The following COL4A6 variants were observed in gnomAD, a reference collection of about 807,000 sequenced individuals.
COL4A6 encodes collagen type IV alpha 6 chain.
Under a neutral mutation model 126.7 loss-of-function variants are expected in COL4A6, and 59 were observed. The observed-to-expected ratio is 0.47, with a 90% confidence interval of 0.38 to 0.58. The LOEUF (loss-of-function observed/expected upper bound fraction) is 0.58. COL4A6 is among the 20% of genes least tolerant of loss of function. The pLI is 0.00. For missense variants in COL4A6, 1,285 were observed against 1,337.3 expected, an observed-to-expected ratio of 0.96 and a Z score of 0.61; for synonymous variants, 547 against 496.6, an observed-to-expected ratio of 1.10 and a Z score of -1.35.
At chrX:108,374,411 T>C (rs2040394009) in intron 2 of COL4A6, among the ~76,000 whole-genome samples, 1 of 112,154 alleles carries the variant, frequency 8.9e-6, no homozygotes, top group Admixed American at 9.5e-5. Context: ...CCAAGGAATA[T>C]AATAACCACG....
intron 2 of COL4A6, among the ~76,000 whole-genome samples, chrX:108,364,880 T>C (rs1181006850): frequency 9.0e-6 from 1 of 111,597 alleles, no homozygotes; most frequent in Non-Finnish European, 1.9e-5. Flanking sequence ...ATTCCATATC[T>C]TGGCTATGGT....
chrX:108,365,984 T>C, intron 2 of COL4A6, among the ~76,000 whole-genome samples: 2 of 111,616 alleles, frequency 1.8e-5, no homozygotes, highest in South Asian at 7.6e-4. Flanking sequence ...CAGAGGGGTC[T>C]AATAAAGGCA....
chrX:108,251,712 G>A (rs2036854292), intron 3 of COL4A6, among the ~76,000 whole-genome samples: 1 of 111,541 alleles, frequency 9.0e-6, no homozygotes, highest in Non-Finnish European at 1.9e-5. Flanking sequence ...GTAAATAAAG[G>A]CACAAACATA....
intron 2 of COL4A6, among the ~76,000 whole-genome samples, chrX:108,363,316 C>G (rs891592994): frequency 8.9e-6 from 1 of 111,913 alleles, no homozygotes; most frequent in Non-Finnish European, 1.9e-5. Context: ...TCATAAATCT[C>G]TATATGTGGA....
chrX:108,277,217 G>A (rs931016329), intron 3 of COL4A6, among the ~76,000 whole-genome samples: 3 of 111,934 alleles, frequency 2.7e-5, no homozygotes, highest in African/African-American at 9.8e-5. Flanking sequence ...TAAGGGGTCA[G>A]GGAGTTCCCT....
intron 3 of COL4A6, among the ~76,000 whole-genome samples, chrX:108,249,485 T>C (rs1245036781): frequency 9.0e-6 from 1 of 111,723 alleles, no homozygotes; most frequent in Non-Finnish European, 1.9e-5. Flanking sequence ...GCTTTATACT[T>C]CTAGTCCATT....
chrX:108,177,747 G>T (rs1042469703), intron 27 of COL4A6, among the ~76,000 whole-genome samples: 2 of 111,904 alleles, frequency 1.8e-5, no homozygotes, highest in Non-Finnish European at 3.8e-5. Context: ...GGTCCCCAAG[G>T]ACCCAAATGA....
chrX:108,177,849 A>C (rs2034549013), intron 27 of COL4A6, among the ~76,000 whole-genome samples: 1 of 111,716 alleles, frequency 9.0e-6, no homozygotes, highest in African/African-American at 3.3e-5. Context: ...ACTCCACAAC[A>C]AGGGAAAAAT....
chrX:108,323,996 C>T (rs1213806548), intron 2 of COL4A6, among the ~76,000 whole-genome samples: 1 of 112,304 alleles, frequency 8.9e-6, no homozygotes, highest in Non-Finnish European at 1.9e-5. Flanking sequence ...AGTGTCATGG[C>T]CTTTAGTGGC....
intron 18 of COL4A6, 140 bp from the exon 19 acceptor site, chrX:108,191,673 G>C (rs2035048518): frequency 1.6e-6 from 1 of 638,606 alleles, no homozygotes; most frequent in Admixed American, 3.9e-5. Context: ...AGAGTTAGAA[G>C]GATCCTTAGG....
At chrX:108,334,659 G>A (rs906524918) in intron 2 of COL4A6, among the ~76,000 whole-genome samples, 1 of 111,087 alleles carries the variant, frequency 9.0e-6, no homozygotes, top group Non-Finnish European at 1.9e-5. Context: ...CTTGGTTTCT[G>A]CCTCACCAAT....
rs756617681 is a variant in COL4A6 at position 108,205,653 on chromosome X, T to C, written c.645+7A>G. On this transcript the variant is annotated splice_region_variant and intron_variant, in intron 10 of 44. Transcript: ENST00000334504. ...AAGCAAAATGCCCTAAGACAAAGTA[T>C]ACTTACATCAGGACCAAGAGGACCA... 1.7e-6 allele frequency: 2 copies of C among 1,207,207 alleles called. No homozygotes were observed. The highest frequency in any genetic ancestry group is 2.2e-6 in the Non-Finnish European group (2 of 893,024).
chrX:108,219,231 G>GA (rs2035944386), intron 5 of COL4A6, among the ~76,000 whole-genome samples: 1 of 112,247 alleles, frequency 8.9e-6, no homozygotes, highest in Non-Finnish European at 1.9e-5. Context: ...AAACTTTAAA[G>GA]GAAAATTCAC....
chrX:108,360,546 T>C (rs2040061197), intron 2 of COL4A6, among the ~76,000 whole-genome samples: 1 of 105,809 alleles, frequency 9.5e-6, no homozygotes, highest in African/African-American at 3.5e-5. Flanking sequence ...TTTTTTTTTT[T>C]TTTTTTTGAG....
chrX:108,181,940 G>A (rs2034699042), intron 23 of COL4A6, among the ~76,000 whole-genome samples: 1 of 112,538 alleles, frequency 8.9e-6, no homozygotes. Context: ...GCTTTTGCCT[G>A]TACTTAAATC....
intron 44 of COL4A6, among the ~76,000 whole-genome samples, chrX:108,158,935 C>T (rs1333177114): frequency 7.1e-5 from 8 of 112,428 alleles, no homozygotes; most frequent in Admixed American, 5.6e-4. Flanking sequence ...CATGGCTGGC[C>T]GCTGCCTTCA....
At chrX:108,228,807 G>A (rs1004578948) in intron 3 of COL4A6, among the ~76,000 whole-genome samples, 2 of 112,172 alleles carry the variant, frequency 1.8e-5, no homozygotes, top group Non-Finnish European at 3.8e-5. Flanking sequence ...TGGGGATTAC[G>A]GGAACTACAG....
At chrX:108,259,069 G>T (rs889633860) in intron 3 of COL4A6, among the ~76,000 whole-genome samples, 13 of 111,552 alleles carry the variant, frequency 1.2e-4, no homozygotes, top group Non-Finnish European at 1.9e-4. Context: ...AAATTATTAG[G>T]TGGAGAACAA....
Position 108,192,701 on chromosome X carries a change from C to T in COL4A6, c.1073-121G>A, listed in dbSNP as rs1297795691. The T allele has an allele frequency of 3.7e-5, 18 of 487,782 alleles. No individual in the cohort carries two copies. In the East Asian group the frequency reaches 6.3e-4, roughly 17 times the overall value. The allele number at this position is 487,782 out of a possible 1,213,427, so 40.2% of individuals were successfully genotyped here. A position where few individuals can be genotyped will look rare whatever the true frequency, so the allele number is the denominator to read the frequency against. On this transcript the variant is annotated intron_variant, in intron 17 of 44. Coordinates refer to ENST00000334504, the MANE Select transcript of COL4A6 (RefSeq NM_033641.4). The stretch of plus-strand genomic sequence containing the variant: ...TTAGAAGTGCCTTTCATGCCTTTCC[C>T]AAGTCTCTAATGCTAATGGCCTCAC...
Sources: allele counts gnomAD v4.1 joint callset (sites outside exome capture counted in the v4.1 genomes callset), GRCh38; gene constraint gnomAD v4.1.1; transcripts MANE v1.5; gene names NCBI Gene and HGNC (gene_info 2026-07-23, HGNC 2026-07-21).